Variants in GUCY2C observed in about 807,000 individuals in gnomAD.
GUCY2C encodes the protein guanylate cyclase 2C, also known as guanylyl cyclase C.
A neutral mutation model predicts 131.1 loss-of-function variants in GUCY2C; 118 were observed. The ratio of observed to expected loss-of-function variants is 0.90; its 90% confidence interval spans 0.78 to 1.05. GUCY2C has a LOEUF of 1.05. Among genes scored for constraint, GUCY2C ranks in the 50% least tolerant of loss-of-function variants. The probability of loss-of-function intolerance (pLI) is 0.00; values close to 1 mark genes in which losing one functional copy is unlikely to be tolerated. For missense variants in GUCY2C, 1,161 were observed against 1,304.4 expected (o/e 0.89, Z 1.69); for synonymous variants, 452 against 457.8 (o/e 0.99, Z 0.16).
intron 19 of GUCY2C, among the ~76,000 whole-genome samples, chr12:14,635,176 A>T (rs541355776): frequency 3.3e-5 from 5 of 152,216 alleles, no homozygotes; most frequent in Admixed American, 6.5e-5. Flanking sequence ...TGTGATCAGC[A>T]CATGGAACAT....
intron 8 of GUCY2C, 39 bp downstream of exon 8, chr12:14,674,586 T>A: frequency 6.2e-7 from 1 of 1,602,444 alleles, no homozygotes; most frequent in South Asian, 1.1e-5. Flanking sequence ...AGCCTACATT[T>A]CTTCACCTTG....
intron 16 of GUCY2C, among the ~76,000 whole-genome samples, chr12:14,644,356 A>G (rs1358384740): frequency 6.6e-6 from 1 of 151,940 alleles, no homozygotes; most frequent in Non-Finnish European, 1.5e-5. Flanking sequence ...ACACAGTGAG[A>G]CTCCGTCTCA....
At chr12:14,675,054 C>CA (rs1297997998) in intron 7 of GUCY2C, among the ~76,000 whole-genome samples, 1 of 151,192 alleles carries the variant, frequency 6.6e-6, no homozygotes, top group African/African-American at 2.4e-5. Context: ...TATAAAAATA[C>CA]AAAAAAATTA....
chr12:14,663,745 C>A (rs1414141902), intron 10 of GUCY2C, among the ~76,000 whole-genome samples: 1 of 152,188 alleles, frequency 6.6e-6, no homozygotes, highest in South Asian at 2.1e-4. Flanking sequence ...CCTACTTATT[C>A]ATTCCTGTTC....
chr12:14,693,078 G>T (rs967983598), intron 1 of GUCY2C, among the ~76,000 whole-genome samples: 1 of 152,022 alleles, frequency 6.6e-6, no homozygotes, highest in African/African-American at 2.4e-5. Flanking sequence ...CAAATCAAAG[G>T]TTTACTTTTA....
At chr12:14,634,183 G>C (rs191764909) in intron 19 of GUCY2C, among the ~76,000 whole-genome samples, 1 of 152,314 alleles carries the variant, frequency 6.6e-6, no homozygotes, top group Non-Finnish European at 1.5e-5. Context: ...GATTAACAGT[G>C]AATTTCTCAG....
chr12:14,662,382 T>G (rs1947885316), intron 10 of GUCY2C, among the ~76,000 whole-genome samples: 1 of 151,946 alleles, frequency 6.6e-6, no homozygotes, highest in Non-Finnish European at 1.5e-5. Flanking sequence ...TGGGGCTATA[T>G]AGAAAGATGT....
At chr12:14,637,446 C>T (rs1173156282) in intron 19 of GUCY2C, among the ~76,000 whole-genome samples, 1 of 152,048 alleles carries the variant, frequency 6.6e-6, no homozygotes, top group East Asian at 1.9e-4. Flanking sequence ...ATCCTAAAAT[C>T]CATACGAAAC....
intron 19 of GUCY2C, among the ~76,000 whole-genome samples, chr12:14,638,728 T>C (rs1316318907): frequency 6.6e-6 from 1 of 152,032 alleles, no homozygotes; most frequent in South Asian, 2.1e-4. Context: ...AGGGGATGAA[T>C]GAAGAGAGGT....
chr12:14,623,461 G>C (rs1946936179), intron 21 of GUCY2C, among the ~76,000 whole-genome samples: 1 of 152,222 alleles, frequency 6.6e-6, no homozygotes, highest in Admixed American at 6.5e-5. Flanking sequence ...TGGATTCCTA[G>C]GTACACGACT....
At chr12:14,616,318 T>C (rs1429183598) in intron 25 of GUCY2C, among the ~76,000 whole-genome samples, 2 of 152,108 alleles carry the variant, frequency 1.3e-5, no homozygotes, top group African/African-American at 4.8e-5. Context: ...GACAAGGGTT[T>C]TGATTCAAAT....
At chr12:14,675,227 AAAG>A (rs1592137401) in intron 7 of GUCY2C, among the ~76,000 whole-genome samples, 3 of 144,950 alleles carry the variant, frequency 2.1e-5, no homozygotes, top group East Asian at 2.0e-4. Flanking sequence ...AAAAAAAAAA[AAAG>A]AAAAAAAGAA....
chr12:14,693,168 G>A (rs930875970), intron 1 of GUCY2C, among the ~76,000 whole-genome samples: 1 of 152,052 alleles, frequency 6.6e-6, no homozygotes, highest in Non-Finnish European at 1.5e-5. Flanking sequence ...TCATTCCTGG[G>A]AGGATGGATG....
At position 14,621,199 on chromosome 12, in the gene GUCY2C, A is replaced by G; in HGVS notation, c.2619T>C (p.Asp873=). The G allele has an allele frequency of 6.2e-7, 1 of 1,613,086 alleles. No homozygotes were observed. The highest frequency in any genetic ancestry group is 8.5e-7 in the Non-Finnish European group (1 of 1,179,612). ...HDVYKVETIG[D]AYMVASGLPK... is the part of the protein sequence containing the mutation. The stretch of plus-strand genomic sequence containing the variant: ...GCAAACCACTAGCCACCATGTACGC[A>G]TCACCGATGGTTTCCACCTGTGGAA... The change falls in exon 23 of 27, where the codon GAT becomes GAC. Residue 873 remains aspartate, a synonymous_variant. Coordinates refer to ENST00000261170, the MANE Select transcript of GUCY2C (RefSeq NM_004963.4).
rs1216238965 is a variant in GUCY2C at position 14,684,563 on chromosome 12, CCCTTCCTT to C, written c.396-1314_396-1307del. On this transcript the variant is annotated intron_variant, in intron 3 of 26. Coordinates refer to ENST00000261170, the MANE Select transcript of GUCY2C (RefSeq NM_004963.4). ...TTCTCCTCTCTCTCTTTCTTTCTTT[CCCTTCCTT>C]CCTTCCTTCCTTCCTTCCTTCCTTC... Among the ~76,000 whole-genome samples the C allele has an allele frequency of 1.9e-3, 231 of 121,238 alleles. 2 individuals are homozygous for C. The highest frequency in any genetic ancestry group is 6.9e-3 in the African/African-American group (222 of 32,210). 79.5% of individuals were successfully genotyped at this position (121,238 alleles called of 152,430 possible). A position where few individuals can be genotyped will look rare whatever the true frequency, so the allele number is the denominator to read the frequency against.
Position 14,687,950 on chromosome 12 carries a change from C to T in GUCY2C, c.330+1G>A. On this transcript the variant is annotated splice_donor_variant, in intron 2 of 26. Coordinates refer to ENST00000261170, the MANE Select transcript of GUCY2C (RefSeq NM_004963.4). LOFTEE classifies it high-confidence loss of function. ...CTGCATCCACAAAAGCAAATACTTACTGAAATTTTCCTGAGTAGGTCGAGG... is the reference window on the plus strand; with the variant it reads ...CTGCATCCACAAAAGCAAATACTTATTGAAATTTTCCTGAGTAGGTCGAGG... 8 of 1,572,996 alleles carry T rather than the reference C, an allele frequency of 5.1e-6. No homozygotes were observed. The highest frequency in any genetic ancestry group is 7.0e-6 in the Non-Finnish European group (8 of 1,142,424).
intron 15 of GUCY2C, among the ~76,000 whole-genome samples, chr12:14,650,469 A>G (rs1947625846): frequency 6.6e-6 from 1 of 152,076 alleles, no homozygotes; most frequent in South Asian, 2.1e-4. Context: ...GATGGTCTCG[A>G]TCTCCTGACC....
At chr12:14,630,251 C>A (rs918217522) in intron 19 of GUCY2C, among the ~76,000 whole-genome samples, 2 of 151,844 alleles carry the variant, frequency 1.3e-5, no homozygotes, top group Non-Finnish European at 2.9e-5. Flanking sequence ...GGAACTAGAG[C>A]CGCGGTATAG....
chr12:14,629,945 T>C (rs988763925), intron 19 of GUCY2C, among the ~76,000 whole-genome samples: 11 of 152,116 alleles, frequency 7.2e-5, no homozygotes, highest in Non-Finnish European at 1.6e-4. Flanking sequence ...AAATATTGTA[T>C]GGGCAAAGGG....
Sources: gnomAD v4.1 joint callset for allele counts (sites outside exome capture counted in the v4.1 genomes callset) on GRCh38, gnomAD v4.1.1 for gene constraint, MANE v1.5 for transcripts, NCBI Gene and HGNC (gene_info 2026-07-23, HGNC 2026-07-21) for gene names.